The following PDE8A variants were observed in gnomAD, a reference collection of about 807,000 sequenced individuals.
PDE8A encodes the protein phosphodiesterase 8A.
A neutral mutation model predicts 105.0 loss-of-function variants in PDE8A; 59 were observed. The observed-to-expected ratio is 0.56, with a 90% CI of 0.46 to 0.70. The LOEUF is 0.70. Among genes scored for constraint, PDE8A ranks in the 30% least tolerant of loss-of-function variants. PDE8A has a pLI of 0.00. For synonymous variants in PDE8A, 355 were observed against 371.9 expected (o/e 0.95, Z 0.52); for missense variants, 1,014 against 1,045.9 (o/e 0.97, Z 0.42).
At chr15:85,069,890 A>T (rs1037800241) in intron 3 of PDE8A, among the ~76,000 whole-genome samples, 1 of 152,118 alleles carries the variant, frequency 6.6e-6, no homozygotes, top group African/African-American at 2.4e-5. Flanking sequence ...TGCTAATCGT[A>T]GTGAGTTTTC....
At chr15:85,123,469 A>G (rs1567302133) in intron 19 of PDE8A, among the ~76,000 whole-genome samples, 1 of 152,160 alleles carries the variant, frequency 6.6e-6, no homozygotes, top group East Asian at 1.9e-4. Flanking sequence ...AAGGAGAGCC[A>G]GTCTGAGTCC....
At position 85,100,195 on chromosome 15, in the gene PDE8A, A is replaced by G. The variant is rs760603874; in HGVS notation, c.1033A>G (p.Thr345Ala). Residue 345 changes from threonine to alanine, a missense_variant, in exon 11 of 22, where the codon ACA becomes GCA. Coordinates refer to ENST00000394553, the MANE Select transcript of PDE8A (RefSeq NM_002605.3). The stretch of plus-strand genomic sequence containing the variant: ...CGAATGTGTTCAGTCTGACACTCAT[A>G]CAGGTACGGTGCCCCGTATTTATTC... ...ISECVQSDTHTDNQTGKHKDR... is the reference protein window; with the variant it reads ...ISECVQSDTHADNQTGKHKDR... 25 of 1,612,380 alleles carry G rather than the reference A, an allele frequency of 1.6e-5. No homozygotes were observed. The highest frequency in any genetic ancestry group is 2.0e-5 in the Non-Finnish European group (24 of 1,178,614).
chr15:85,011,883 C>T (rs1416388045), intron 1 of PDE8A, among the ~76,000 whole-genome samples: 4 of 152,222 alleles, frequency 2.6e-5, no homozygotes, highest in South Asian at 2.1e-4. Flanking sequence ...AAAAAGTGGG[C>T]GAAGGACATG....
intron 20 of PDE8A, among the ~76,000 whole-genome samples, chr15:85,132,803 G>A (rs1478680592): frequency 1.3e-5 from 2 of 151,600 alleles, no homozygotes; most frequent in African/African-American, 2.4e-5. Context: ...TATTCTCACT[G>A]TGGTGTTCAC....
chr15:85,131,020 G>C (rs938593537), intron 20 of PDE8A, among the ~76,000 whole-genome samples: 1 of 152,162 alleles, frequency 6.6e-6, no homozygotes, highest in African/African-American at 2.4e-5. Context: ...ACCTCCCAAA[G>C]TGCTGAGATT....
intron 7 of PDE8A, 29 bp from the exon 8 acceptor site, chr15:85,091,015 T>A (rs2081633760): frequency 6.3e-7 from 1 of 1,587,048 alleles, no homozygotes; most frequent in African/African-American, 1.4e-5. Flanking sequence ...TTTAATTCAC[T>A]TTATGTTTTT....
chr15:85,123,233 TC>T, intron 19 of PDE8A, 40 bp downstream of exon 19: 1 of 1,605,502 alleles, frequency 6.2e-7, no homozygotes, highest in Non-Finnish European at 8.5e-7. Context: ...GTGTTTGGGG[TC>T]CTTGTACTGT....
At chr15:84,990,777 AT>A (rs1402621320) in intron 1 of PDE8A, among the ~76,000 whole-genome samples, 1 of 152,216 alleles carries the variant, frequency 6.6e-6, no homozygotes, top group Non-Finnish European at 1.5e-5. Flanking sequence ...TAGGATAGGT[AT>A]ATGTGTAGCT....
At position 85,007,903 on chromosome 15, in the gene PDE8A, G is replaced by T. The variant is rs115535436; in HGVS notation, c.186+25555G>T. On this transcript the variant is annotated intron_variant, in intron 1 of 21. Transcript: ENST00000394553. ...CATTCCTAAGTATGGCCATACAGTGGTGCCTGTAGTGGAGTGGGGTTGGAC... is the reference window on the plus strand; with the variant it reads ...CATTCCTAAGTATGGCCATACAGTGTTGCCTGTAGTGGAGTGGGGTTGGAC... Among the ~76,000 whole-genome samples, 1,030 of 152,276 alleles carry T rather than the reference G, an allele frequency of 6.8e-3. 15 individuals are homozygous for T. Among genetic ancestry groups the T allele is most frequent in the African/African-American group, 0.023 (967 of 41,540 alleles).
In PDE8A at chr15:85,138,705, G is replaced by A. The variant is rs1436743369; in HGVS notation, c.*802G>A. ...AGTGCTAAAGAAGGCTGCTTCTACT[G>A]TATAGAACCCAGGGCTCTGAAACAG... On this transcript the variant is annotated 3_prime_UTR_variant, in exon 22 of 22. Transcript: ENST00000394553. 1 of 152,230 alleles carries A rather than the reference G, an allele frequency of 6.6e-6. No individual in the cohort carries two copies. Among genetic ancestry groups the A allele is most frequent in the Admixed American group, 6.5e-5 (1 of 15,284 alleles). The allele number at this position is 152,230 out of a possible 1,614,324, so 9.4% of individuals were successfully genotyped here.
chr15:85,049,017 G>A (rs932423430), intron 1 of PDE8A, among the ~76,000 whole-genome samples: 4 of 152,172 alleles, frequency 2.6e-5, no homozygotes, highest in Non-Finnish European at 5.9e-5. Context: ...CAGGAGAATT[G>A]CTTGAATCTG....
intron 5 of PDE8A, among the ~76,000 whole-genome samples, chr15:85,078,560 A>AG (rs756462964): frequency 7.9e-6 from 1 of 126,858 alleles, no homozygotes; most frequent in African/African-American, 4.8e-5. Context: ...AAAAAAAAAA[A>AG]AAAAAAAAAA....
At chr15:85,036,917 A>G (rs34978449) in intron 1 of PDE8A, among the ~76,000 whole-genome samples, 21,247 of 152,108 alleles carry the variant, frequency 0.14, 1,925 homozygotes, top group Middle Eastern at 0.24. Context: ...AACAGCAGCT[A>G]GCAGATTGGG....
At chr15:85,136,111 C>T (rs1291684689) in intron 20 of PDE8A, among the ~76,000 whole-genome samples, 3 of 151,364 alleles carry the variant, frequency 2.0e-5, no homozygotes, top group Non-Finnish European at 2.9e-5. Context: ...ACAGCAGTTA[C>T]GTCTCACTCC....
At chr15:85,015,689 C>T (rs1397571996) in intron 1 of PDE8A, among the ~76,000 whole-genome samples, 1 of 152,202 alleles carries the variant, frequency 6.6e-6, no homozygotes, top group Non-Finnish European at 1.5e-5. Context: ...CATCTTTTCA[C>T]ATGTTTAAAC....
Position 85,067,205 on chromosome 15 carries a change from G to A in PDE8A, c.434+1G>A. ...AGCTGGATGCAGAGGCACTGTGCAG[G>A]TAAGCCCAAGACTCGGGCCTAAATA... On this transcript the variant is annotated splice_donor_variant, in intron 3 of 21. Coordinates refer to ENST00000394553, the MANE Select transcript of PDE8A (RefSeq NM_002605.3). LOFTEE classifies it high-confidence loss of function. 3 of 1,610,634 alleles carry A rather than the reference G, an allele frequency of 1.9e-6. No individual in the cohort carries two copies. The highest frequency in any genetic ancestry group is 1.7e-6 in the Non-Finnish European group (2 of 1,177,944).
Position 85,113,939 on chromosome 15 carries a change from G to C in PDE8A, c.1252G>C (p.Val418Leu). The C allele has an allele frequency of 6.2e-7, 1 of 1,613,632 alleles. No individual in the cohort carries two copies. The highest frequency in any genetic ancestry group is 8.5e-7 in the Non-Finnish European group (1 of 1,179,496). Residue 418 changes from valine (V) to leucine (L), a missense_variant, in exon 14 of 22, where the codon GTG becomes CTG. Coordinates refer to ENST00000394553, the MANE Select transcript of PDE8A (RefSeq NM_002605.3). Reference protein sequence around the residue: ...PMPVTEALDRVLEILRTTELY... With the variant: ...PMPVTEALDRLLEILRTTELY... The stretch of plus-strand genomic sequence containing the variant: ...GCCTGTGACAGAAGCCCTAGACCGT[G>C]TGCTGGAAATTCTAAGAACCACTGA...
intron 20 of PDE8A, among the ~76,000 whole-genome samples, chr15:85,134,880 G>T (rs1429655474): frequency 3.3e-5 from 5 of 152,208 alleles, no homozygotes; most frequent in Non-Finnish European, 7.3e-5. Flanking sequence ...GAGGTGCTGG[G>T]CCAGGTGTAG....
At chr15:85,079,266 G>A (rs542278582) in intron 5 of PDE8A, among the ~76,000 whole-genome samples, 59 of 152,256 alleles carry the variant, frequency 3.9e-4, no homozygotes, top group African/African-American at 1.4e-3. Flanking sequence ...CTTAGTCAAC[G>A]CTAGGTGTTT....
Sources: gnomAD v4.1 joint callset for allele counts (sites outside exome capture counted in the v4.1 genomes callset) on GRCh38, gnomAD v4.1.1 for gene constraint, MANE v1.5 for transcripts, NCBI Gene and HGNC (gene_info 2026-07-23, HGNC 2026-07-21) for gene names.